Variants in CACNG4 observed in about 807,000 individuals in gnomAD.
CACNG4 encodes voltage-dependent calcium channel gamma-4 subunit.
A neutral mutation model predicts 22.9 loss-of-function variants in CACNG4; 8 were observed. The ratio of observed to expected loss-of-function variants is 0.35; its 90% CI spans 0.21 to 0.63. The LOEUF (loss-of-function observed/expected upper bound fraction) is 0.63, where lower values mean the gene tolerates loss of function less well. Ranked by LOEUF, CACNG4 falls within the 30% of genes least tolerant of loss-of-function variation. The pLI is 0.72. For missense variants in CACNG4, 357 were observed against 455.4 expected, an observed-to-expected ratio of 0.78 and a Z score of 1.97; for synonymous variants, 188 against 191.9, an observed-to-expected ratio of 0.98 and a Z score of 0.17.
At chr17:67,005,085 C>T (rs2143332303) in intron 1 of CACNG4, among the ~76,000 whole-genome samples, 1 of 152,336 alleles carries the variant, frequency 6.6e-6, no homozygotes, top group East Asian at 1.9e-4. Context: ...GAGAGCTTAA[C>T]AGCCAAGATG....
chr17:67,030,330 T>C lies in CACNG4; in HGVS notation c.446-136T>C. 1.3e-6 allele frequency: 1 copy of C among 754,054 alleles called. No individual in the cohort carries two copies. Among genetic ancestry groups the C allele is most frequent in the Non-Finnish European group, 2.2e-6 (1 of 447,388 alleles). The allele number at this position is 754,054 out of a possible 1,614,324, so 46.7% of individuals were successfully genotyped here. A position where few individuals can be genotyped will look rare whatever the true frequency, so the allele number is the denominator to read the frequency against. On this transcript the variant is annotated intron_variant, in intron 3 of 3. Coordinates refer to ENST00000262138, the MANE Select transcript of CACNG4 (RefSeq NM_014405.4). This position sits in a 1 kb window ranked among gnomAD's most constrained non-coding sequence, Gnocchi z 6.4. ...AACATTAATTACTGAAAAGAAAAAT[T>C]AGCAACCAGAATAAAGAAATACTCA...
intron 1 of CACNG4, among the ~76,000 whole-genome samples, chr17:66,971,388 G>A (rs959691947): frequency 1.3e-5 from 2 of 152,266 alleles, no homozygotes; most frequent in East Asian, 1.9e-4. Flanking sequence ...CAAGTCACCC[G>A]CCTGCTGGGT....
intron 1 of CACNG4, among the ~76,000 whole-genome samples, chr17:67,015,530 T>A (rs1208909057): frequency 1.3e-5 from 2 of 152,162 alleles, no homozygotes; most frequent in Non-Finnish European, 1.5e-5. Flanking sequence ...AAGCTGAGTA[T>A]AAAGGGTAGG....
intron 1 of CACNG4, among the ~76,000 whole-genome samples, chr17:66,997,449 C>CA (rs1264028939): frequency 6.6e-6 from 1 of 152,062 alleles, no homozygotes; most frequent in African/African-American, 2.4e-5. Context: ...CCCTGTGGCC[C>CA]CTGTTGGACT....
intron 1 of CACNG4, among the ~76,000 whole-genome samples, chr17:66,993,835 G>C (rs1452925102): frequency 2.6e-5 from 4 of 152,032 alleles, no homozygotes; most frequent in Non-Finnish European, 5.9e-5. Flanking sequence ...TGGCCAGGCT[G>C]GTCTCAAACT....
chr17:66,985,147 C>T (rs1424326947), intron 1 of CACNG4, among the ~76,000 whole-genome samples: 1 of 152,184 alleles, frequency 6.6e-6, no homozygotes, highest in Non-Finnish European at 1.5e-5. Context: ...CACCACCCGC[C>T]CTCATCCTGC....
At position 67,031,353 on chromosome 17, in the gene CACNG4, A is replaced by G. The variant is rs1459346681; in HGVS notation, c.*349A>G. The G allele has an allele frequency of 6.1e-6, 3 of 495,496 alleles. No homozygotes were observed. Among genetic ancestry groups the G allele is most frequent in the African/African-American group, 5.8e-5 (3 of 51,754 alleles). The allele number at this position is 495,496 out of a possible 1,614,324, so 30.7% of individuals were successfully genotyped here. A position where few individuals can be genotyped will look rare whatever the true frequency, so the allele number is the denominator to read the frequency against. On this transcript the variant is annotated 3_prime_UTR_variant, in exon 4 of 4. Transcript: ENST00000262138. This position sits in a 1 kb window ranked among gnomAD's most constrained non-coding sequence, Gnocchi z 4.0. The stretch of plus-strand genomic sequence containing the variant: ...AGCCATTATCTCCTCTTGGAAACGA[A>G]TCTTGCCAGAAAAACGGGATTTCAG...
At chr17:67,005,641 C>T (rs183007215) in intron 1 of CACNG4, among the ~76,000 whole-genome samples, 12 of 152,354 alleles carry the variant, frequency 7.9e-5, no homozygotes, top group Admixed American at 2.6e-4. Flanking sequence ...CCTCGGTCCC[C>T]GAGTGGATTT....
At chr17:66,979,104 G>A (rs2035255756) in intron 1 of CACNG4, among the ~76,000 whole-genome samples, 1 of 152,110 alleles carries the variant, frequency 6.6e-6, no homozygotes, top group African/African-American at 2.4e-5. Context: ...CACAGTCCCA[G>A]TCACCACACC....
chr17:67,008,465 TG>T (rs61480144), intron 1 of CACNG4, among the ~76,000 whole-genome samples: 47 of 152,234 alleles, frequency 3.1e-4, no homozygotes, highest in African/African-American at 1.1e-3. Flanking sequence ...GGGGCAGGGC[TG>T]GGCAAAGAGC....
At chr17:66,971,085 G>A (rs2035201347) in intron 1 of CACNG4, among the ~76,000 whole-genome samples, 1 of 152,126 alleles carries the variant, frequency 6.6e-6, no homozygotes, top group African/African-American at 2.4e-5. Flanking sequence ...GTGGGCCTCT[G>A]TCTCCTCATC....
rs770125043 is a variant in CACNG4, at chr17:67,030,442, C to G, written c.446-24C>G. 19 of 1,607,306 alleles carry G rather than the reference C, an allele frequency of 1.2e-5. No individual in the cohort carries two copies. The highest frequency in any genetic ancestry group is 1.5e-5 in the Non-Finnish European group (18 of 1,175,512). On this transcript the variant is annotated intron_variant, in intron 3 of 3. Transcript: ENST00000262138. This position sits in a 1 kb window ranked among gnomAD's most constrained non-coding sequence, Gnocchi z 6.4. ...GCCTCTCTCCCTCCCTGGCCCCGCT[C>G]CCCGCTCCCCGCTTCCCTTTCAGGC...
intron 1 of CACNG4, among the ~76,000 whole-genome samples, chr17:66,971,274 C>T (rs1244050042): frequency 6.6e-6 from 1 of 151,862 alleles, no homozygotes; most frequent in Non-Finnish European, 1.5e-5. Context: ...GGGTTTCCAG[C>T]CAGAAGAGCC....
chr17:66,970,866 C>G (rs1490695251), intron 1 of CACNG4, among the ~76,000 whole-genome samples: 6 of 152,138 alleles, frequency 3.9e-5, no homozygotes, highest in Admixed American at 3.9e-4. Flanking sequence ...AGGAAGAGGC[C>G]CTTCAAAAAG....
At chr17:67,004,156 A>T (rs908949702) in intron 1 of CACNG4, among the ~76,000 whole-genome samples, 1 of 152,224 alleles carries the variant, frequency 6.6e-6, no homozygotes, top group African/African-American at 2.4e-5. Flanking sequence ...AAACAACAAC[A>T]ACAACAACCC....
chr17:67,016,569 C>T (rs567431812), intron 1 of CACNG4, among the ~76,000 whole-genome samples: 99 of 152,342 alleles, frequency 6.5e-4, no homozygotes, highest in Admixed American at 1.2e-3. Flanking sequence ...CCGGACCCTG[C>T]CGCCAGGACT....
chr17:66,967,265 C>A (rs1243048173), intron 1 of CACNG4, among the ~76,000 whole-genome samples: 4 of 152,218 alleles, frequency 2.6e-5, no homozygotes, highest in Non-Finnish European at 5.9e-5. Context: ...AGGGAGCCAT[C>A]TGGGGGACCT....
rs371128228 is a variant in CACNG4 at position 67,030,532 on chromosome 17, G to A, written c.512G>A (p.Arg171Gln). 358 of 1,614,114 alleles carry A rather than the reference G, an allele frequency of 2.2e-4. 3 individuals are homozygous for A. In the Middle Eastern group the frequency reaches 3.6e-3, roughly 16 times the overall value. ...SSNTGDPSDK[R>Q]DEDKKNHYNY... The stretch of plus-strand genomic sequence containing the variant: ...AACACAGGTGACCCGAGTGACAAGC[G>A]GGACGAAGACAAAAAGAACCATTAC... The change falls in exon 4 of 4, where the codon CGG (arginine) becomes CAG (glutamine). Residue 171 changes from arginine (R) to glutamine (Q), a missense_variant. Arg to Gln is a conservative substitution (Grantham distance 43, BLOSUM62 1). This residue lies in a region of CACNG4 where 240 missense variants were observed against 277.6 expected (regional missense o/e 0.86). Transcript: ENST00000262138. This position sits in a 1 kb window ranked among gnomAD's most constrained non-coding sequence, Gnocchi z 6.4.
intron 1 of CACNG4, 81 bp downstream of exon 1, chr17:66,965,212 G>GCGCGCGCGCA (rs1555575247): frequency 1.3e-5 from 8 of 639,740 alleles, no homozygotes; most frequent in Non-Finnish European, 1.9e-5. Context: ...GCGCGCGCGC[G>GCGCGCGCGCA]CACACACACA....
Sources: gnomAD v4.1 joint callset for allele counts (sites outside exome capture counted in the v4.1 genomes callset) on GRCh38, gnomAD v4.1.1 for gene constraint, gnomAD v4.1.1 regional missense constraint, Gnocchi (gnomAD v3.1) non-coding constraint, MANE v1.5 for transcripts, NCBI Gene and HGNC (gene_info 2026-07-23, HGNC 2026-07-21) for gene names.